The following ATRNL1 variants were observed in gnomAD, a reference collection of about 807,000 sequenced individuals.
The protein encoded by ATRNL1 is attractin-like protein 1.
A neutral mutation model predicts 182.7 loss-of-function variants in ATRNL1; 95 were observed. The observed-to-expected ratio is 0.52, with a 90% CI of 0.44 to 0.62. ATRNL1 has a LOEUF of 0.62. Among genes scored for constraint, ATRNL1 ranks in the 20% least tolerant of loss-of-function variants. The pLI, the probability that ATRNL1 is intolerant of heterozygous loss-of-function variation, is 0.00. For missense variants in ATRNL1, 1,471 were observed against 1,679.5 expected, an observed-to-expected ratio of 0.88 and a Z score of 2.17; for synonymous variants, 576 against 568.3, an observed-to-expected ratio of 1.01 and a Z score of -0.19.
Position 115,523,321 on chromosome 10 carries a change from G to T in ATRNL1, c.3716+3997G>T, listed in dbSNP as rs190040114. On this transcript the variant is annotated intron_variant, in intron 25 of 28. Coordinates refer to ENST00000355044, the MANE Select transcript of ATRNL1 (RefSeq NM_207303.4). ...TGATGGGAAGCCCAGAAGCCTGCCA[G>T]ATTTGTGAAATGCCTTCAGGGTCTT... is the stretch of plus-strand genomic sequence containing the variant. 2.6e-5 allele frequency among the ~76,000 whole-genome samples: 4 copies of T among 152,278 alleles called. No individual in the cohort carries two copies. The East Asian group carries it at 7.7e-4, about 29-fold the overall frequency.
chr10:115,463,003 A>G (rs1223620159), intron 22 of ATRNL1, among the ~76,000 whole-genome samples: 1 of 151,818 alleles, frequency 6.6e-6, no homozygotes, highest in African/African-American at 2.4e-5. Flanking sequence ...ACACTCATAC[A>G]TTTGAAATGA....
intron 27 of ATRNL1, among the ~76,000 whole-genome samples, chr10:115,804,938 A>G (rs1303904565): frequency 1.3e-5 from 2 of 152,224 alleles, no homozygotes; most frequent in Admixed American, 6.5e-5. Context: ...AGGTTAGTCT[A>G]ACAACATTTT....
At chr10:115,561,703 G>GT (rs1554999730) in intron 26 of ATRNL1, among the ~76,000 whole-genome samples, 59,502 of 110,482 alleles carry the variant, frequency 0.54, 13,051 homozygotes, top group Middle Eastern at 0.61. Flanking sequence ...GTGTGTGTGT[G>GT]GGTGTGTGTG....
chr10:115,658,908 A>G (rs537794116), intron 26 of ATRNL1, among the ~76,000 whole-genome samples: 24 of 152,322 alleles, frequency 1.6e-4, no homozygotes, highest in African/African-American at 5.5e-4. Context: ...CAGAAGGGGA[A>G]GAAAACACAT....
chr10:115,810,171 T>G (rs546091564), intron 27 of ATRNL1, among the ~76,000 whole-genome samples: 148 of 152,098 alleles, frequency 9.7e-4, no homozygotes, highest in African/African-American at 3.4e-3. Flanking sequence ...TTTTTGTGCA[T>G]GGCTAGATTC....
rs146924939 is a variant in ATRNL1, at chr10:115,765,195, C to T, written c.3903+37840C>T. 2.7e-3 allele frequency among the ~76,000 whole-genome samples: 413 copies of T among 152,230 alleles called. 5 individuals carry two copies. The highest frequency in any genetic ancestry group is 9.5e-3 in the African/African-American group (395 of 41,524). The stretch of plus-strand genomic sequence containing the variant: ...GCTCCTTTGGGTAGGTATCAGGGAG[C>T]ACAATTGCTGGATCATATGGTCAGG... On this transcript the variant is annotated intron_variant, in intron 27 of 28. Coordinates refer to ENST00000355044, the MANE Select transcript of ATRNL1 (RefSeq NM_207303.4).
At chr10:115,435,767 C>G (rs1330626338) in intron 21 of ATRNL1, among the ~76,000 whole-genome samples, 1 of 152,156 alleles carries the variant, frequency 6.6e-6, no homozygotes, top group African/African-American at 2.4e-5. Context: ...CATCCTAACA[C>G]TTACATAGTA....
At chr10:115,527,116 CTTT>C (rs35691625) in intron 25 of ATRNL1, among the ~76,000 whole-genome samples, 4 of 118,662 alleles carry the variant, frequency 3.4e-5, no homozygotes, top group African/African-American at 6.8e-5. Context: ...CAGAGAGGCA[CTTT>C]TTTTTTTTTT....
chr10:115,733,613 T>C (rs1555064160), intron 27 of ATRNL1, among the ~76,000 whole-genome samples: 1 of 152,170 alleles, frequency 6.6e-6, no homozygotes, highest in African/African-American at 2.4e-5. Flanking sequence ...TGGACCACAT[T>C]AAGCCCAGTC....
intron 21 of ATRNL1, among the ~76,000 whole-genome samples, chr10:115,456,653 G>C (rs1298610215): frequency 6.6e-6 from 1 of 151,964 alleles, no homozygotes; most frequent in African/African-American, 2.4e-5. Context: ...ATAAATTTTT[G>C]AATAGTAATA....
chr10:115,780,512 A>T (rs1393018315), intron 27 of ATRNL1, among the ~76,000 whole-genome samples: 1 of 152,104 alleles, frequency 6.6e-6, no homozygotes, highest in Non-Finnish European at 1.5e-5. Flanking sequence ...CCCCTCCCCA[A>T]ACCCCAGGCT....
intron 26 of ATRNL1, among the ~76,000 whole-genome samples, chr10:115,596,118 T>G (rs1856225336): frequency 6.6e-6 from 1 of 152,192 alleles, no homozygotes; most frequent in African/African-American, 2.4e-5. Context: ...ATTATTCTTT[T>G]TTTTGAGACT....
intron 26 of ATRNL1, among the ~76,000 whole-genome samples, chr10:115,614,378 G>A (rs11522510): frequency 6.6e-6 from 1 of 152,120 alleles, no homozygotes; most frequent in Non-Finnish European, 1.5e-5. Context: ...TGTGATCTAA[G>A]AAGATATGTG....
At chr10:115,139,998 T>C (rs1224639063) in intron 5 of ATRNL1, among the ~76,000 whole-genome samples, 2 of 152,146 alleles carry the variant, frequency 1.3e-5, no homozygotes, top group Admixed American at 6.5e-5. Context: ...ATGAAGCCAA[T>C]GGAAAGTTTG....
intron 21 of ATRNL1, among the ~76,000 whole-genome samples, chr10:115,437,008 G>A (rs1165013018): frequency 1.3e-5 from 2 of 152,068 alleles, no homozygotes; most frequent in Admixed American, 1.3e-4. Context: ...CATTACAAGA[G>A]GGCCTGACCT....
chr10:115,791,262 A>C (rs566392328), intron 27 of ATRNL1, among the ~76,000 whole-genome samples: 2 of 152,196 alleles, frequency 1.3e-5, no homozygotes, highest in East Asian at 1.9e-4. Context: ...CTAACCACCA[A>C]CATTTCCTGC....
chr10:115,761,546 G>A (rs1948735306), intron 27 of ATRNL1, among the ~76,000 whole-genome samples: 1 of 152,170 alleles, frequency 6.6e-6, no homozygotes, highest in Admixed American at 6.5e-5. Context: ...CTTGTTGACA[G>A]CATTTATTAC....
intron 10 of ATRNL1, among the ~76,000 whole-genome samples, chr10:115,258,988 A>G (rs1851279656): frequency 6.6e-6 from 1 of 152,100 alleles, no homozygotes; most frequent in African/African-American, 2.4e-5. Flanking sequence ...CTCCCTCTGG[A>G]AGCTTCATCC....
intron 20 of ATRNL1, among the ~76,000 whole-genome samples, chr10:115,413,737 C>T (rs1394326011): frequency 2.0e-5 from 3 of 151,972 alleles, no homozygotes; most frequent in African/African-American, 4.8e-5. Context: ...CATCTTATTC[C>T]TCTTCTGCCT....
Sources: gnomAD v4.1 joint callset for allele counts (sites outside exome capture counted in the v4.1 genomes callset) on GRCh38, gnomAD v4.1.1 for gene constraint, MANE v1.5 for transcripts, NCBI Gene and HGNC (gene_info 2026-07-23, HGNC 2026-07-21) for gene names.